Variants in SPON2 observed in about 807,000 individuals in gnomAD.
The protein encoded by SPON2 is spondin 2.
A neutral mutation model predicts 29.9 loss-of-function variants in SPON2; 32 were observed. The ratio of observed to expected loss-of-function variants is 1.07; its 90% CI spans 0.81 to 1.44. SPON2 has a LOEUF of 1.44. Among genes scored for constraint, SPON2 ranks in the 40% most tolerant of loss-of-function variants. SPON2 has a pLI of 0.00. For missense variants in SPON2, 541 were observed against 455.5 expected (o/e 1.19, Z -1.71); for synonymous variants, 248 against 209.1 (o/e 1.19, Z -1.61).
intron 1 of SPON2, chr4:1,172,333 C>A: frequency 1.8e-6 from 1 of 563,582 alleles, no homozygotes. Flanking sequence ...TGCAGCTTGC[C>A]GGGCCGGTCT....
In SPON2 at chr4:1,167,588, C is replaced by T; in HGVS notation, c.880G>A (p.Gly294Arg). Residue 294 changes from glycine (G) to arginine (R), a missense_variant, in exon 6 of 6, where the codon GGG (glycine) becomes AGG (arginine). Gly to Arg is a moderately radical substitution (Grantham distance 125). Transcript: ENST00000290902. ...GTCCTGCTCTTGGTCCCGAGCCTCCCACAGTGGCCTCCGCACAGTCCCCAG... is the reference window on the plus strand; with the variant it reads ...GTCCTGCTCTTGGTCCCGAGCCTCCTACAGTGGCCTCCGCACAGTCCCCAG... ...SSWGLCGGHCGRLGTKSRTRY... is the reference protein window; with the variant it reads ...SSWGLCGGHCRRLGTKSRTRY... 1 of 1,613,594 alleles carries T rather than the reference C, an allele frequency of 6.2e-7. No individual in the cohort carries two copies. Among genetic ancestry groups the T allele is most frequent in the Non-Finnish European group, 8.5e-7 (1 of 1,180,000 alleles).
Position 1,170,539 on chromosome 4 carries a change from AAGG to A in SPON2, c.671_673del (p.Ser224del). 1 of 1,613,878 alleles carries A rather than the reference AAGG, an allele frequency of 6.2e-7. No homozygotes were observed. Among genetic ancestry groups the A allele is most frequent in the Non-Finnish European group, 8.5e-7 (1 of 1,179,852 alleles). On this transcript the variant is annotated inframe_deletion, in exon 5 of 6. Coordinates refer to ENST00000290902, the MANE Select transcript of SPON2 (RefSeq NM_012445.4). The stretch of plus-strand genomic sequence containing the variant: ...CAGGGCCTTCAGCCGCGGGTAGTAG[AAGG>A]AGTTGGCCGGGTGGCTGGGAGAGGA...
rs914204389 is a variant in SPON2 at position 1,167,837 on chromosome 4, C to T, written c.812-181G>A. On this transcript the variant is annotated intron_variant, in intron 5 of 5. Transcript: ENST00000290902. ...CAAGATGGGATGGCACCATAGCAAC[C>T]TCGGACACAACCTAGGGACTGGAGT... is the stretch of plus-strand genomic sequence containing the variant. The T allele has an allele frequency of 1.1e-5, 6 of 568,876 alleles. No homozygotes were observed. The Admixed American group carries it at 1.8e-4, about 17-fold the overall frequency. 35.2% of individuals were successfully genotyped at this position (568,876 alleles called of 1,614,324 possible). A position where few individuals can be genotyped will look rare whatever the true frequency, so the allele number is the denominator to read the frequency against.
At chr4:1,203,402 G>A (rs568223029) in intron 1 of SPON2, among the ~76,000 whole-genome samples, 5 of 152,294 alleles carry the variant, frequency 3.3e-5, no homozygotes, top group East Asian at 1.9e-4. Flanking sequence ...AAATGTTTGC[G>A]AGGTTCATCC....
chr4:1,186,024 C>G (rs1323323408), intron 1 of SPON2, among the ~76,000 whole-genome samples: 1 of 150,040 alleles, frequency 6.7e-6, no homozygotes, highest in South Asian at 2.1e-4. Flanking sequence ...GCGGGCGGAT[C>G]ACGAGGTCAG....
rs1157327332 is a variant in SPON2 at position 1,202,066 on chromosome 4, T to A, written c.-234+5814A>T. ...ATCTCACTCCGGAACACGTTCATCA[T>A]CCGCAGAAGACGTCCTGTGCCTGTT... is the stretch of plus-strand genomic sequence containing the variant. On this transcript the variant is annotated intron_variant, in intron 1 of 3. Transcript: ENST00000509233. The surrounding 1 kb of genome is among the most constrained non-coding windows in gnomAD (Gnocchi z 5.4). Among the ~76,000 whole-genome samples the A allele has an allele frequency of 6.6e-6, 1 of 152,200 alleles. No individual in the cohort carries two copies. The highest frequency in any genetic ancestry group is 1.5e-5 in the Non-Finnish European group (1 of 68,044).
intron 1 of SPON2, among the ~76,000 whole-genome samples, chr4:1,203,511 T>C (rs1194256478): frequency 6.6e-6 from 1 of 152,240 alleles, no homozygotes; most frequent in Non-Finnish European, 1.5e-5. Flanking sequence ...CAGATGGACA[T>C]GTAGGCTGTG....
chr4:1,189,414 C>A (rs1727861392), intron 1 of SPON2, among the ~76,000 whole-genome samples: 1 of 150,920 alleles, frequency 6.6e-6, no homozygotes, highest in South Asian at 2.1e-4. Context: ...CCCAGCACTT[C>A]AGGAGGCTAA....
intron 1 of SPON2, among the ~76,000 whole-genome samples, chr4:1,186,344 C>T (rs1443367958): frequency 2.0e-5 from 3 of 150,870 alleles, no homozygotes; most frequent in East Asian, 3.9e-4. Context: ...CCCTCTGTCA[C>T]CCAGGCTGGG....
intron 4 of SPON2, 71 bp downstream of exon 4, chr4:1,170,928 C>T (rs1416227398): frequency 6.5e-7 from 1 of 1,529,222 alleles, no homozygotes; most frequent in Non-Finnish European, 8.9e-7. Flanking sequence ...GGCGAGGGTG[C>T]AGCCAGGCCC....
At chr4:1,174,853 A>T (rs1727560866), upstream of SPON2, among the ~76,000 whole-genome samples, 1 of 152,218 alleles carries the variant, frequency 6.6e-6, no homozygotes, top group Non-Finnish European at 1.5e-5. Context: ...GTTGAAGTCT[A>T]TGAAGAAAAT....
At chr4:1,194,873 C>A (rs1472014422) in intron 1 of SPON2, 1 of 149,488 alleles carries the variant, frequency 6.7e-6, no homozygotes, top group East Asian at 2.0e-4. Flanking sequence ...ACCCCACAGC[C>A]GGCGGCTCCA....
upstream of SPON2, among the ~76,000 whole-genome samples, chr4:1,177,607 C>G (rs565046090): frequency 1.6e-3 from 245 of 152,214 alleles, 2 homozygotes; most frequent in Middle Eastern, 0.014. Flanking sequence ...GGCCCTGCCC[C>G]GGGCCCCAGA....
At chr4:1,197,410 G>T (rs1404283397), upstream of SPON2, among the ~76,000 whole-genome samples, 1 of 152,160 alleles carries the variant, frequency 6.6e-6, no homozygotes, top group Non-Finnish European at 1.5e-5. Context: ...CACACTCCCA[G>T]GTAGCCCTTG....
rs576457367 is a variant in SPON2, at chr4:1,201,300, G to A, written c.-234+6580C>T. 136 of 369,758 alleles carry A rather than the reference G, an allele frequency of 3.7e-4. 3 individuals carry two copies. The highest frequency in any genetic ancestry group is 2.7e-3 in the South Asian group (136 of 51,290). 22.9% of individuals were successfully genotyped at this position (369,758 alleles called of 1,614,324 possible). A position where few individuals can be genotyped will look rare whatever the true frequency, so the allele number is the denominator to read the frequency against. On this transcript the variant is annotated intron_variant, in intron 1 of 3. Coordinates refer to the SPON2 transcript ENST00000509233. ...TGAGTGTCCCGGCCGTGAGTCCCCA[G>A]CCCACTGGCTTCAGGCACTTCCAAG...
chr4:1,171,225 G>C, intron 3 of SPON2, 35 bp from the exon 4 acceptor site: 1 of 1,442,410 alleles, frequency 6.9e-7, no homozygotes. Flanking sequence ...CCTGGCCCCG[G>C]CCCCCCGGAC....
At chr4:1,205,114 T>C (rs1577002252) in intron 1 of SPON2, 1 of 152,734 alleles carries the variant, frequency 6.5e-6, no homozygotes, top group African/African-American at 2.4e-5. Flanking sequence ...CCTGTCCCTG[T>C]GGCTAAGGCG....
chr4:1,197,652 A>G (rs570177830), upstream of SPON2, among the ~76,000 whole-genome samples: 4 of 152,194 alleles, frequency 2.6e-5, no homozygotes, highest in East Asian at 7.7e-4. Flanking sequence ...AGATAAAGCC[A>G]GAAATTAATG....
At chr4:1,170,627 T>C in intron 4 of SPON2, 51 bp from the exon 5 acceptor site, 1 of 1,559,944 alleles carries the variant, frequency 6.4e-7, no homozygotes, top group Non-Finnish European at 8.7e-7. Flanking sequence ...GCCCACCTTC[T>C]GGTATGCGTA....
Sources: allele counts gnomAD v4.1 joint callset (sites outside exome capture counted in the v4.1 genomes callset), GRCh38; gene constraint gnomAD v4.1.1; non-coding constraint Gnocchi (gnomAD v3.1); transcripts MANE v1.5; gene names NCBI Gene and HGNC (gene_info 2026-07-23, HGNC 2026-07-21).